DTWD1: variants seen among roughly 807,000 people sequenced by gnomAD.
DTWD1 encodes DTW motif tRNA-uridine aminocarboxypropyltransferase 1, also known as tRNA-uridine aminocarboxypropyltransferase 1.
Under a neutral mutation model 30.2 loss-of-function variants are expected in DTWD1, and 27 were observed. The ratio of observed to expected loss-of-function variants is 0.90; its 90% CI spans 0.66 to 1.23. The LOEUF is 1.23. Ranked by LOEUF, DTWD1 falls within the 50% of genes most tolerant of loss-of-function variation. DTWD1 has a pLI of 0.00. For synonymous variants in DTWD1, 99 were observed against 113.1 expected (o/e 0.88, Z 0.79); for missense variants, 342 against 348.8 (o/e 0.98, Z 0.15).
At chr15:49,626,688 A>G (rs1340365757) in intron 2 of DTWD1, 3 of 382,214 alleles carry the variant, frequency 7.8e-6, no homozygotes, top group East Asian at 1.5e-4. Flanking sequence ...TTTAAAGTTC[A>G]TTTGAATTTG....
rs1293102735 is a variant in DTWD1 at position 49,644,976 on chromosome 15, T to C, written c.*1398T>C. ...CCTGTTTGGGTGAAATAATAGCACA[T>C]TTCCTGAAGTATATACAGTGGGACA... is the stretch of plus-strand genomic sequence containing the variant. On this transcript the variant is annotated 3_prime_UTR_variant, in exon 5 of 5. Transcript: ENST00000403028. 3 of 152,160 alleles carry C rather than the reference T, an allele frequency of 2.0e-5. No individual in the cohort carries two copies. Among genetic ancestry groups the C allele is most frequent in the Non-Finnish European group, 2.9e-5 (2 of 68,034 alleles). 9.4% of individuals were successfully genotyped at this position (152,160 alleles called of 1,614,324 possible).
chr15:49,623,081 C>G (rs979803186), intron 1 of DTWD1, among the ~76,000 whole-genome samples: 1 of 152,154 alleles, frequency 6.6e-6, no homozygotes, highest in Non-Finnish European at 1.5e-5. Flanking sequence ...GTCAGGCAAC[C>G]ACAGTAACTT....
rs781284880 is a variant in DTWD1 at position 49,634,776 on chromosome 15, A to G, written c.649A>G (p.Thr217Ala). The part of the protein sequence containing the change: ...STWNQTNKIF[T>A]DERLQGLLQV... ...CTGGAACCAAACAAACAAAATATTC[A>G]CTGATGAGCGACTTCAAGGTAAAAA... is the stretch of plus-strand genomic sequence containing the variant. The change falls in exon 4 of 5, where the codon ACT becomes GCT. Residue 217 changes from threonine (T) to alanine (A), a missense_variant. Physicochemically the swap from Thr to Ala is moderately conservative, Grantham distance 58. Coordinates refer to ENST00000403028, the MANE Select transcript of DTWD1 (RefSeq NM_001144955.2). The G allele has an allele frequency of 3.8e-6, 6 of 1,573,134 alleles. No homozygotes were observed. Among genetic ancestry groups the G allele is most frequent in the Non-Finnish European group, 5.2e-6 (6 of 1,163,214 alleles).
At chr15:49,635,971 C>T (rs1278568278) in intron 4 of DTWD1, among the ~76,000 whole-genome samples, 1 of 152,130 alleles carries the variant, frequency 6.6e-6, no homozygotes, top group African/African-American at 2.4e-5. Flanking sequence ...TATAATCTTT[C>T]TCATCCAGCT....
intron 1 of DTWD1, among the ~76,000 whole-genome samples, chr15:49,624,569 T>C (rs1471219681): frequency 2.0e-5 from 3 of 152,204 alleles, no homozygotes; most frequent in African/African-American, 7.2e-5. Context: ...TTTTACCTTA[T>C]GGGATATTTT....
rs759815393 is a variant in DTWD1, at chr15:49,632,216, G to C, written c.322G>C (p.Ala108Pro). ...HPNETDGKST[A>P]IHAKLLAPEF... ...AAATGAAACAGATGGCAAAAGTACT[G>C]CTATACATGCAAAACTCTTAGCACC... is the stretch of plus-strand genomic sequence containing the variant. Residue 108 changes from alanine to proline, a missense_variant, in exon 3 of 5, where the codon GCT (alanine) becomes CCT (proline). Transcript: ENST00000403028. 6.2e-7 allele frequency: 1 copy of C among 1,600,888 alleles called. No homozygotes were observed. The highest frequency in any genetic ancestry group is 8.5e-7 in the Non-Finnish European group (1 of 1,176,694).
At chr15:49,639,492 T>C (rs2079040800) in intron 4 of DTWD1, among the ~76,000 whole-genome samples, 1 of 151,910 alleles carries the variant, frequency 6.6e-6, no homozygotes, top group Non-Finnish European at 1.5e-5. Context: ...AGCCCAGGAG[T>C]TCAAGGATGC....
At chr15:49,638,549 A>G (rs915155187) in intron 4 of DTWD1, among the ~76,000 whole-genome samples, 4 of 152,194 alleles carry the variant, frequency 2.6e-5, no homozygotes, top group African/African-American at 9.6e-5. Flanking sequence ...CTGATTTCTG[A>G]ATAAACCGAG....
At chr15:49,629,686 A>G (rs375931515) in intron 2 of DTWD1, 1 of 152,196 alleles carries the variant, frequency 6.6e-6, no homozygotes, top group African/African-American at 2.4e-5. Context: ...TTCAGCCAGA[A>G]GTAGACTGAT....
chr15:49,647,202 C>T lies in DTWD1; in HGVS notation c.*3624C>T, dbSNP rs1482511353. On this transcript the variant is annotated 3_prime_UTR_variant, in exon 5 of 5. Transcript: ENST00000403028. ...GAGCCCTTTGGTTCATCCTGAAGGT[C>T]CCCCTAAATCCCTTCAGAAGTCTTA... 1 of 152,180 alleles carries T rather than the reference C, an allele frequency of 6.6e-6. No individual in the cohort carries two copies. Among genetic ancestry groups the T allele is most frequent in the African/African-American group, 2.4e-5 (1 of 41,450 alleles). 9.4% of individuals were successfully genotyped at this position (152,180 alleles called of 1,614,324 possible). A position where few individuals can be genotyped will look rare whatever the true frequency, so the allele number is the denominator to read the frequency against.
chr15:49,629,060 C>A (rs1038104337), intron 2 of DTWD1, among the ~76,000 whole-genome samples: 1 of 152,116 alleles, frequency 6.6e-6, no homozygotes, highest in Non-Finnish European at 1.5e-5. Flanking sequence ...TTGTTCAACT[C>A]CCACTTATGA....
rs2079094155 is a variant in DTWD1 at position 49,643,691 on chromosome 15, A to C, written c.*113A>C. On this transcript the variant is annotated 3_prime_UTR_variant, in exon 5 of 5. Coordinates refer to ENST00000403028, the MANE Select transcript of DTWD1 (RefSeq NM_001144955.2). ...TATAATGCCTGTAAGACCATTTGAAAAAATTCCAGTTTCATATATATCACT... is the reference window on the plus strand; with the variant it reads ...TATAATGCCTGTAAGACCATTTGAACAAATTCCAGTTTCATATATATCACT... The C allele has an allele frequency of 8.6e-7, 1 of 1,163,602 alleles. No individual in the cohort carries two copies. The highest frequency in any genetic ancestry group is 1.6e-5 in the African/African-American group (1 of 62,648). The allele number at this position is 1,163,602 out of a possible 1,614,324, so 72.1% of individuals were successfully genotyped here.
intron 2 of DTWD1, among the ~76,000 whole-genome samples, chr15:49,631,239 C>T (rs1215328470): frequency 6.6e-6 from 1 of 152,108 alleles, no homozygotes; most frequent in Non-Finnish European, 1.5e-5. Context: ...AGTAGTTAGG[C>T]AAGATGATTT....
intron 3 of DTWD1, among the ~76,000 whole-genome samples, chr15:49,633,970 T>A (rs1321353297): frequency 6.6e-6 from 1 of 152,200 alleles, no homozygotes; most frequent in Non-Finnish European, 1.5e-5. Flanking sequence ...ATTGTAAGTG[T>A]CTGTGTTTAG....
In DTWD1 at chr15:49,648,826, G is replaced by A. The variant is rs556850405; in HGVS notation, c.*5248G>A. The A allele has an allele frequency of 6.6e-6, 1 of 152,200 alleles. No homozygotes were observed. The highest frequency in any genetic ancestry group is 2.1e-4 in the South Asian group (1 of 4,826). 9.4% of individuals were successfully genotyped at this position (152,200 alleles called of 1,614,324 possible). On this transcript the variant is annotated 3_prime_UTR_variant, in exon 5 of 5. Coordinates refer to ENST00000403028, the MANE Select transcript of DTWD1 (RefSeq NM_001144955.2). ...TTCAGCAGTTCTGCCACTATTACTA[G>A]CTAATCCAACAACGAGGCCTTATTT... is the stretch of plus-strand genomic sequence containing the variant.
In DTWD1 at chr15:49,625,352, G is replaced by T; in HGVS notation, c.185G>T (p.Gly62Val). The stretch of plus-strand genomic sequence containing the variant: ...GGGAGATCAAAATGTCTCAAATGTG[G>T]TGGTTCCAGAATGTTCTACTGCTAT... The part of the protein sequence containing the change: ...QSGRSKCLKC[G>V]GSRMFYCYTC... Residue 62 changes from glycine to valine, a missense_variant, in exon 2 of 5, where the codon GGT becomes GTT. Coordinates refer to ENST00000403028, the MANE Select transcript of DTWD1 (RefSeq NM_001144955.2). 3.1e-6 allele frequency: 5 copies of T among 1,613,684 alleles called. No individual in the cohort carries two copies. Among genetic ancestry groups the T allele is most frequent in the African/African-American group, 1.3e-5 (1 of 75,026 alleles).
At chr15:49,632,380 C>T (rs1308700659) in intron 3 of DTWD1, 78 bp downstream of exon 3, 1 of 1,336,884 alleles carries the variant, frequency 7.5e-7, no homozygotes, top group African/African-American at 1.5e-5. Context: ...TCTGAACTTA[C>T]TCAAACATAA....
At chr15:49,625,561 A>G (rs1327283903) in intron 2 of DTWD1, 130 bp downstream of exon 2, 3 of 1,020,530 alleles carry the variant, frequency 2.9e-6, no homozygotes, top group Non-Finnish European at 4.2e-6. Context: ...TTGTTGCTGC[A>G]AAGAAAAACT....
At chr15:49,625,018 C>A in intron 1 of DTWD1, 95 bp from the exon 2 acceptor site, 1 of 776,384 alleles carries the variant, frequency 1.3e-6, no homozygotes, top group Non-Finnish European at 2.0e-6. Flanking sequence ...TAAAACAGCA[C>A]ACAATTGTGA....
Sources: gnomAD v4.1 joint callset for allele counts (sites outside exome capture counted in the v4.1 genomes callset) on GRCh38, gnomAD v4.1.1 for gene constraint, MANE v1.5 for transcripts, NCBI Gene and HGNC (gene_info 2026-07-23, HGNC 2026-07-21) for gene names.